Variants in RBFOX1 observed in about 807,000 individuals in gnomAD.
RBFOX1 encodes the protein RNA binding fox-1 homolog 1.
A neutral mutation model predicts 57.7 loss-of-function variants in RBFOX1; 8 were observed. The observed-to-expected ratio is 0.14, with a 90% confidence interval of 0.08 to 0.25. The LOEUF (loss-of-function observed/expected upper bound fraction) is 0.25. Among genes scored for constraint, RBFOX1 ranks in the 10% least tolerant of loss-of-function variants. RBFOX1 has a pLI of 1.00. For missense variants in RBFOX1, 611 were observed against 548.5 expected (o/e 1.11, Z -1.14); for synonymous variants, 326 against 222.4 (o/e 1.47, Z -4.15).
At chr16:5,720,074 A>C (rs1244198935) in intron 3 of RBFOX1, among the ~76,000 whole-genome samples, 2 of 151,874 alleles carry the variant, frequency 1.3e-5, no homozygotes, top group Non-Finnish European at 2.9e-5. Context: ...ATCCTCACCA[A>C]CACTTGGTAT....
At chr16:6,536,990 C>A (rs1394627227) in intron 2 of RBFOX1, among the ~76,000 whole-genome samples, 1 of 152,156 alleles carries the variant, frequency 6.6e-6, no homozygotes, top group Non-Finnish European at 1.5e-5. Context: ...TATCCATTGT[C>A]TTTTCTGGGG....
At chr16:5,811,421 G>C (rs1047126705) in intron 3 of RBFOX1, among the ~76,000 whole-genome samples, 2 of 150,426 alleles carry the variant, frequency 1.3e-5, no homozygotes, top group Non-Finnish European at 3.0e-5. Flanking sequence ...GGGATTACAG[G>C]TGTGAGCCAA....
rs111440960 is a variant in RBFOX1 at position 6,233,796 on chromosome 16, G to A, written c.-126-83199G>A. Reference sequence around the variant, plus strand: ...TCCCAACTTTATTTTTTTTCCATCCGTCCTCCATGTTCTCTGTCACTAAAT... The same window carrying A: ...TCCCAACTTTATTTTTTTTCCATCCATCCTCCATGTTCTCTGTCACTAAAT... On this transcript the variant is annotated intron_variant, in intron 1 of 15. Coordinates refer to ENST00000550418, the MANE Select transcript of RBFOX1 (RefSeq NM_018723.4). Among the ~76,000 whole-genome samples, 1,010 of 151,874 alleles carry A rather than the reference G, an allele frequency of 6.7e-3. 17 individuals are homozygous for A. The highest frequency in any genetic ancestry group is 0.023 in the African/African-American group (954 of 41,444).
chr16:5,446,613 C>G (rs181786024), intron 1 of RBFOX1, among the ~76,000 whole-genome samples: 67 of 152,230 alleles, frequency 4.4e-4, no homozygotes, highest in African/African-American at 1.6e-3. Context: ...GATTTGTACT[C>G]TGAAGACCCC....
rs911592537 is a variant in RBFOX1, at chr16:5,946,347, T to G, written c.351+79012T>G. Among the ~76,000 whole-genome samples the G allele has an allele frequency of 6.6e-6, 1 of 152,208 alleles. No individual in the cohort carries two copies. The highest frequency in any genetic ancestry group is 1.5e-5 in the Non-Finnish European group (1 of 68,042). On this transcript the variant is annotated intron_variant, in intron 4 of 19. Coordinates refer to the RBFOX1 transcript ENST00000641259. This position sits in a 1 kb window ranked among gnomAD's most constrained non-coding sequence, Gnocchi z 4.6. ...TGGATGTGAGTGTGTCTTCAATGAT[T>G]TACTTCTCCATTCCTTTTCTTTTCG...
chr16:5,521,775 C>T (rs1247601132), intron 2 of RBFOX1, among the ~76,000 whole-genome samples: 2 of 152,220 alleles, frequency 1.3e-5, no homozygotes, highest in African/African-American at 4.8e-5. Flanking sequence ...CATCTCATTT[C>T]AAACTGCACT....
intron 3 of RBFOX1, among the ~76,000 whole-genome samples, chr16:6,916,477 C>G (rs116691023): frequency 4.1e-4 from 63 of 151,946 alleles, no homozygotes; most frequent in African/African-American, 1.5e-3. Flanking sequence ...AAATAAATAG[C>G]ATTTTAGTTG....
At chr16:7,086,022 C>T (rs774452271) in intron 4 of RBFOX1, among the ~76,000 whole-genome samples, 2 of 152,128 alleles carry the variant, frequency 1.3e-5, no homozygotes, top group Admixed American at 1.3e-4. Context: ...TATTTTCTTA[C>T]CTCTCTGAGA....
chr16:7,527,025 G>T (rs1462594166), intron 5 of RBFOX1, among the ~76,000 whole-genome samples: 1 of 152,206 alleles, frequency 6.6e-6, no homozygotes, highest in South Asian at 2.1e-4. Context: ...GCAGACCCAA[G>T]CCTGTGCAAC....
At chr16:5,739,815 A>G (rs2052712183) in intron 3 of RBFOX1, among the ~76,000 whole-genome samples, 1 of 152,238 alleles carries the variant, frequency 6.6e-6, no homozygotes. Flanking sequence ...CTCCATCTGC[A>G]CGTGTCTGTC....
chr16:6,361,074 C>T (rs894253267), intron 2 of RBFOX1, among the ~76,000 whole-genome samples: 5 of 152,148 alleles, frequency 3.3e-5, no homozygotes, highest in African/African-American at 1.2e-4. Context: ...TAATCTTGAG[C>T]CACCCCTCTC....
intron 3 of RBFOX1, among the ~76,000 whole-genome samples, chr16:6,835,201 G>T (rs543996389): frequency 1.5e-3 from 232 of 151,980 alleles, no homozygotes; most frequent in African/African-American, 5.3e-3. Context: ...ACGCCCGACC[G>T]GCCTGACTTC....
chr16:6,793,745 C>T (rs928658138), intron 3 of RBFOX1, among the ~76,000 whole-genome samples: 1 of 152,264 alleles, frequency 6.6e-6, no homozygotes, highest in South Asian at 2.1e-4. Context: ...AATAACACAG[C>T]AAGAAACATT....
intron 1 of RBFOX1, among the ~76,000 whole-genome samples, chr16:5,384,832 T>C (rs956212581): frequency 2.0e-5 from 3 of 152,160 alleles, no homozygotes; most frequent in African/African-American, 4.8e-5. Flanking sequence ...GCCTCATGTA[T>C]AAATGTGCAT....
intron 3 of RBFOX1, among the ~76,000 whole-genome samples, chr16:5,863,079 C>A (rs908393184): frequency 4.6e-5 from 7 of 152,150 alleles, no homozygotes; most frequent in African/African-American, 1.7e-4. Context: ...TCAGACCCGG[C>A]CCCTGAAAGT....
intron 3 of RBFOX1, among the ~76,000 whole-genome samples, chr16:6,764,824 C>G (rs1395277967): frequency 6.6e-6 from 1 of 152,022 alleles, no homozygotes; most frequent in African/African-American, 2.4e-5. Flanking sequence ...GTAATCCTAG[C>G]TACTCGGGAA....
chr16:5,387,985 G>A (rs1410193941), intron 1 of RBFOX1, among the ~76,000 whole-genome samples: 2 of 152,180 alleles, frequency 1.3e-5, no homozygotes, highest in Non-Finnish European at 2.9e-5. Context: ...CACAAGCCAA[G>A]GAATGCAGGT....
intron 4 of RBFOX1, among the ~76,000 whole-genome samples, chr16:6,012,454 C>T (rs1008750851): frequency 1.3e-5 from 2 of 152,166 alleles, no homozygotes; most frequent in African/African-American, 2.4e-5. Flanking sequence ...AATATCTGTA[C>T]ACATTTGGGA....
chr16:7,227,202 C>G (rs964168774), intron 4 of RBFOX1, among the ~76,000 whole-genome samples: 1 of 150,908 alleles, frequency 6.6e-6, no homozygotes, highest in Non-Finnish European at 1.5e-5. Context: ...TCATTCCATT[C>G]TTCTTTAACT....
Sources: gnomAD v4.1 joint callset for allele counts (sites outside exome capture counted in the v4.1 genomes callset) on GRCh38, gnomAD v4.1.1 for gene constraint, Gnocchi (gnomAD v3.1) non-coding constraint, MANE v1.5 for transcripts, NCBI Gene and HGNC (gene_info 2026-07-23, HGNC 2026-07-21) for gene names.